The following PPP1R1C variants were observed in gnomAD, a reference collection of about 807,000 sequenced individuals.
PPP1R1C encodes protein phosphatase 1 regulatory subunit 1C.
PPP1R1C carries 15 observed loss-of-function variants against 17.4 expected under a neutral mutation model. The ratio of observed to expected loss-of-function variants is 0.86; its 90% CI spans 0.58 to 1.33. The LOEUF (loss-of-function observed/expected upper bound fraction) is 1.33, where lower values mean the gene tolerates loss of function less well. Ranked by LOEUF, PPP1R1C falls within the 40% of genes most tolerant of loss-of-function variation. The probability of loss-of-function intolerance (pLI) is 0.00; values close to 1 mark genes in which losing one functional copy is unlikely to be tolerated. For synonymous variants in PPP1R1C, 35 were observed against 43.1 expected, an observed-to-expected ratio of 0.81 and a Z score of 0.73; for missense variants, 143 against 130.0, an observed-to-expected ratio of 1.10 and a Z score of -0.48.
At chr2:182,051,914 T>G (rs545626419) in intron 2 of PPP1R1C, among the ~76,000 whole-genome samples, 1 of 152,120 alleles carries the variant, frequency 6.6e-6, no homozygotes, top group Non-Finnish European at 1.5e-5. Flanking sequence ...GGCAGGAGAA[T>G]TGCTTGAACC....
intron 1 of PPP1R1C, among the ~76,000 whole-genome samples, chr2:181,959,752 C>T (rs996932072): frequency 6.6e-6 from 1 of 152,128 alleles, no homozygotes; most frequent in African/African-American, 2.4e-5. Context: ...GCTGTCTGTC[C>T]ATGCATGGAC....
intron 2 of PPP1R1C, among the ~76,000 whole-genome samples, chr2:182,050,378 A>G (rs1687475720): frequency 1.3e-5 from 2 of 152,198 alleles, no homozygotes; most frequent in Admixed American, 1.3e-4. Context: ...CGTTCTTTAA[A>G]AAGCCTAATT....
chr2:181,986,997 C>T (rs1386851041), intron 1 of PPP1R1C, among the ~76,000 whole-genome samples: 1 of 152,090 alleles, frequency 6.6e-6, no homozygotes, highest in Non-Finnish European at 1.5e-5. Flanking sequence ...ATTATTTAAT[C>T]CGTGACTCAT....
chr2:182,125,592 C>G (rs933651828), intron 5 of PPP1R1C, among the ~76,000 whole-genome samples: 1 of 152,020 alleles, frequency 6.6e-6, no homozygotes, highest in African/African-American at 2.4e-5. Context: ...TTGCTCTATT[C>G]GGGGATTTGA....
At chr2:181,984,530 T>G (rs1431180030), upstream of PPP1R1C, among the ~76,000 whole-genome samples, 1 of 152,216 alleles carries the variant, frequency 6.6e-6, no homozygotes, top group Non-Finnish European at 1.5e-5. Flanking sequence ...GATAAACTCA[T>G]CACAAGATTT....
At chr2:182,111,226 G>T (rs1689407181) in intron 4 of PPP1R1C, among the ~76,000 whole-genome samples, 1 of 152,026 alleles carries the variant, frequency 6.6e-6, no homozygotes, top group Admixed American at 6.6e-5. Flanking sequence ...TAAAATATAG[G>T]TAAAAATATA....
At chr2:182,009,895 A>G (rs1010871385) in intron 2 of PPP1R1C, among the ~76,000 whole-genome samples, 3 of 151,788 alleles carry the variant, frequency 2.0e-5, no homozygotes, top group South Asian at 2.1e-4. Context: ...TTCCCTTGTT[A>G]TACGTTTTTT....
At chr2:181,956,348 G>C (rs1231642898) in intron 1 of PPP1R1C, among the ~76,000 whole-genome samples, 1 of 152,178 alleles carries the variant, frequency 6.6e-6, no homozygotes, top group Non-Finnish European at 1.5e-5. Context: ...GAACAGTGCT[G>C]CAATAAACAT....
At chr2:182,081,291 A>C (rs1688468343) in intron 4 of PPP1R1C, among the ~76,000 whole-genome samples, 1 of 152,214 alleles carries the variant, frequency 6.6e-6, no homozygotes, top group Admixed American at 6.5e-5. Context: ...AGCACACAGT[A>C]AGCATTCAAC....
At chr2:181,997,306 A>G (rs969734856) in intron 2 of PPP1R1C, among the ~76,000 whole-genome samples, 9 of 152,074 alleles carry the variant, frequency 5.9e-5, no homozygotes, top group Admixed American at 5.2e-4. Context: ...TGATGCACAC[A>G]GAGGTAGATA....
chr2:182,031,463 A>G (rs1559064418), intron 2 of PPP1R1C, among the ~76,000 whole-genome samples: 1 of 152,220 alleles, frequency 6.6e-6, no homozygotes, highest in Non-Finnish European at 1.5e-5. Flanking sequence ...AAGTAAAAAA[A>G]TTTAAATCAT....
At chr2:182,027,673 T>G (rs542585988) in intron 2 of PPP1R1C, among the ~76,000 whole-genome samples, 1 of 149,338 alleles carries the variant, frequency 6.7e-6, no homozygotes, top group African/African-American at 2.5e-5. Context: ...TAAAATTCTC[T>G]TTTTTGGTTG....
chr2:181,970,011 G>A (rs944180757), intron 1 of PPP1R1C, among the ~76,000 whole-genome samples: 10 of 152,072 alleles, frequency 6.6e-5, no homozygotes, highest in Admixed American at 5.2e-4. Context: ...TTCCTTCTCT[G>A]TGTTATCATG....
In PPP1R1C at chr2:181,957,565, A is replaced by G. The variant is rs760873601; in HGVS notation, n.111+2931A>G. 9.9e-5 allele frequency among the ~76,000 whole-genome samples: 15 copies of G among 152,236 alleles called. No homozygotes were observed. Among genetic ancestry groups the G allele is most frequent in the Non-Finnish European group, 1.6e-4 (11 of 68,024 alleles). On this transcript the variant is annotated intron_variant and non_coding_transcript_variant, in intron 1 of 5. Coordinates refer to the PPP1R1C transcript ENST00000464264. This position sits in a 1 kb window ranked among gnomAD's most constrained non-coding sequence, Gnocchi z 4.2. ...TACGTAAAATTACTAAATATTAGTTATTGGGTAGTCCTAGATAAAATTTAT... is the reference window on the plus strand; with the variant it reads ...TACGTAAAATTACTAAATATTAGTTGTTGGGTAGTCCTAGATAAAATTTAT...
At chr2:182,087,445 C>T (rs1290221420) in intron 4 of PPP1R1C, among the ~76,000 whole-genome samples, 1 of 152,162 alleles carries the variant, frequency 6.6e-6, no homozygotes, top group East Asian at 1.9e-4. Flanking sequence ...TCCCATGCTG[C>T]TTTCATCTTT....
intron 1 of PPP1R1C, 36 bp downstream of exon 1, chr2:181,986,227 T>C (rs1559045966): frequency 6.9e-7 from 1 of 1,458,900 alleles, no homozygotes; most frequent in East Asian, 2.3e-5. Flanking sequence ...TTCCTGTACA[T>C]AAGGTAATAT....
intron 2 of PPP1R1C, among the ~76,000 whole-genome samples, chr2:182,047,355 T>G (rs909694362): frequency 1.3e-5 from 2 of 152,184 alleles, no homozygotes; most frequent in Admixed American, 6.5e-5. Context: ...TAAATGCACA[T>G]TGAATAATTA....
Position 182,081,678 on chromosome 2 carries a change from G to T in PPP1R1C, c.241+17887G>T, listed in dbSNP as rs986368351. Reference sequence around the variant, plus strand: ...TCTGGATGCATTTTGTAAAAAAAAAGTATTGTGTCATATTAAAATATGTCA... The same window carrying T: ...TCTGGATGCATTTTGTAAAAAAAAATTATTGTGTCATATTAAAATATGTCA... On this transcript the variant is annotated intron_variant, in intron 4 of 4. Coordinates refer to ENST00000682840, the MANE Select transcript of PPP1R1C (RefSeq NM_001080545.3). Among the ~76,000 whole-genome samples, 13 of 152,168 alleles carry T rather than the reference G, an allele frequency of 8.5e-5. No individual in the cohort carries two copies. In the East Asian group the frequency reaches 2.3e-3, roughly 27 times the overall value.
chr2:182,066,422 A>G (rs987147479), intron 4 of PPP1R1C, among the ~76,000 whole-genome samples: 14 of 152,246 alleles, frequency 9.2e-5, no homozygotes, highest in African/African-American at 2.9e-4. Flanking sequence ...TATCTGATCC[A>G]TAACAAATGT....
Sources: gnomAD v4.1 joint callset for allele counts (sites outside exome capture counted in the v4.1 genomes callset) on GRCh38, gnomAD v4.1.1 for gene constraint, Gnocchi (gnomAD v3.1) non-coding constraint, MANE v1.5 for transcripts, NCBI Gene and HGNC (gene_info 2026-07-23, HGNC 2026-07-21) for gene names.